The following SWT1 variants were observed in gnomAD, a reference collection of about 807,000 sequenced individuals.
SWT1 encodes the protein SWT1 RNA endoribonuclease homolog.
In SWT1, 33 loss-of-function variants were observed where a neutral mutation model predicts 107.3. The ratio of observed to expected loss-of-function variants is 0.31; its 90% CI spans 0.23 to 0.41. The LOEUF (loss-of-function observed/expected upper bound fraction) is 0.41, where lower values mean the gene tolerates loss of function less well. Ranked by LOEUF, SWT1 falls within the 10% of genes least tolerant of loss-of-function variation. SWT1 has a pLI of 1.00. For synonymous variants in SWT1, 345 were observed against 348.3 expected, an observed-to-expected ratio of 0.99 and a Z score of 0.11; for missense variants, 898 against 1,028.9, an observed-to-expected ratio of 0.87 and a Z score of 1.74.
chr1:185,166,908 A>G (rs1654622345), intron 3 of SWT1, among the ~76,000 whole-genome samples: 1 of 151,976 alleles, frequency 6.6e-6, no homozygotes, highest in East Asian at 1.9e-4. Context: ...ATGGTTTTAT[A>G]TATATATATT....
At chr1:185,237,391 G>T (rs1296628018) in intron 16 of SWT1, among the ~76,000 whole-genome samples, 2 of 152,162 alleles carry the variant, frequency 1.3e-5, no homozygotes, top group African/African-American at 4.8e-5. Context: ...ATGAGTTCAT[G>T]TCCTTTGCAG....
intron 18 of SWT1, among the ~76,000 whole-genome samples, chr1:185,285,731 C>T (rs1404784191): frequency 1.3e-5 from 2 of 152,110 alleles, no homozygotes; most frequent in Non-Finnish European, 2.9e-5. Context: ...GGTAAGGGGT[C>T]CAGCTTCATT....
At chr1:185,219,779 G>A (rs779733365) in intron 14 of SWT1, among the ~76,000 whole-genome samples, 10 of 151,736 alleles carry the variant, frequency 6.6e-5, no homozygotes, top group Non-Finnish European at 1.2e-4. Flanking sequence ...CTTAAATACC[G>A]TACTTTTCAC....
intron 4 of SWT1, among the ~76,000 whole-genome samples, chr1:185,173,780 G>A (rs1558011353): frequency 6.6e-6 from 1 of 151,978 alleles, no homozygotes; most frequent in Non-Finnish European, 1.5e-5. Flanking sequence ...ACCTTGGGAG[G>A]CCGAGGCAAG....
chr1:185,223,403 C>T (rs987957111), intron 15 of SWT1, among the ~76,000 whole-genome samples: 2 of 152,044 alleles, frequency 1.3e-5, no homozygotes, highest in Non-Finnish European at 2.9e-5. Context: ...TCTCAAACTC[C>T]TGCAAACTCC....
intron 7 of SWT1, 48 bp downstream of exon 7, chr1:185,182,105 A>C (rs746952872): frequency 1.3e-6 from 2 of 1,551,386 alleles, no homozygotes; most frequent in Admixed American, 3.7e-5. Context: ...TTTCCTAAAA[A>C]TTAATGTGCC....
chr1:185,256,262 G>A (rs1283651602), intron 16 of SWT1, among the ~76,000 whole-genome samples: 2 of 151,392 alleles, frequency 1.3e-5, no homozygotes, highest in Non-Finnish European at 2.9e-5. Flanking sequence ...ATGTGTCTTG[G>A]AGTTGCTCTT....
chr1:185,195,200 C>A (rs1041480575), intron 10 of SWT1, among the ~76,000 whole-genome samples: 2 of 152,120 alleles, frequency 1.3e-5, no homozygotes. Flanking sequence ...TCCCTGTGTC[C>A]ATGTGTTCTC....
intron 16 of SWT1, among the ~76,000 whole-genome samples, chr1:185,261,673 CTTTT>C (rs75087078): frequency 7.6e-5 from 11 of 144,836 alleles, no homozygotes; most frequent in Non-Finnish European, 9.2e-5. Context: ...TGATTTTCTG[CTTTT>C]TTTTTTTTTT....
At chr1:185,240,056 A>C (rs2102604208) in intron 16 of SWT1, among the ~76,000 whole-genome samples, 1 of 152,206 alleles carries the variant, frequency 6.6e-6, no homozygotes. Flanking sequence ...CTTGAAAGCT[A>C]ATATTCAAAG....
At chr1:185,215,684 A>G (rs566238841) in intron 14 of SWT1, among the ~76,000 whole-genome samples, 133 of 152,040 alleles carry the variant, frequency 8.7e-4, no homozygotes, top group Non-Finnish European at 1.4e-3. Context: ...GTCTACAGGC[A>G]TGGCACCACC....
chr1:185,266,382 C>A (rs755835268), intron 16 of SWT1, among the ~76,000 whole-genome samples: 19 of 152,196 alleles, frequency 1.2e-4, no homozygotes, highest in Non-Finnish European at 2.2e-4. Context: ...AAATATTAAA[C>A]TGGAATATTT....
At chr1:185,190,798 G>A (rs530124171) in intron 10 of SWT1, among the ~76,000 whole-genome samples, 156 bp downstream of exon 10, 3 of 152,198 alleles carry the variant, frequency 2.0e-5, no homozygotes, top group Admixed American at 6.5e-5. Flanking sequence ...GTCTTATAAT[G>A]TGTGAGCACT....
At chr1:185,205,912 T>C (rs1198464052) in intron 12 of SWT1, among the ~76,000 whole-genome samples, 1 of 152,162 alleles carries the variant, frequency 6.6e-6, no homozygotes, top group Non-Finnish European at 1.5e-5. Flanking sequence ...AAATGATCAA[T>C]GTTTTTAATA....
At chr1:185,187,426 A>T (rs1358644952) in intron 9 of SWT1, among the ~76,000 whole-genome samples, 1 of 152,026 alleles carries the variant, frequency 6.6e-6, no homozygotes, top group Non-Finnish European at 1.5e-5. Flanking sequence ...CACTCCCCCA[A>T]TCAGACATTT....
intron 16 of SWT1, among the ~76,000 whole-genome samples, chr1:185,237,151 C>T (rs556348126): frequency 1.3e-5 from 2 of 152,262 alleles, no homozygotes; most frequent in South Asian, 2.1e-4. Flanking sequence ...GATGATTCCT[C>T]AAGGATCTAG....
Position 185,175,097 on chromosome 1 carries a change from G to C in SWT1, c.950G>C (p.Arg317Thr). ...DHQESNDSHS[R>T]ENLTQSFEAP... ...CAAGAAAGTAATGATTCACATTCTA[G>C]GGAAAACCTAACCCAGGTAAGGTAG... is the stretch of plus-strand genomic sequence containing the variant. Residue 317 changes from arginine (R) to threonine (T), a missense_variant, in exon 5 of 19, where the codon AGG (arginine) becomes ACG (threonine). Physicochemically the swap from Arg to Thr is moderately conservative, Grantham distance 71. Around this residue, in one of 6 missense-constraint regions of SWT1, gnomAD observed 382 missense variants for 362.4 expected, o/e 1.05. Coordinates refer to ENST00000367500, the MANE Select transcript of SWT1 (RefSeq NM_017673.7). 3.2e-6 allele frequency: 5 copies of C among 1,553,394 alleles called. No individual in the cohort carries two copies. Among genetic ancestry groups the C allele is most frequent in the Non-Finnish European group, 4.3e-6 (5 of 1,152,838 alleles).
chr1:185,256,208 T>G (rs1454382904), intron 16 of SWT1, among the ~76,000 whole-genome samples: 2 of 151,932 alleles, frequency 1.3e-5, no homozygotes, highest in Non-Finnish European at 2.9e-5. Flanking sequence ...CTGGCTGCCC[T>G]TAACATTTTT....
At chr1:185,227,315 A>G in intron 15 of SWT1, 1 of 740,302 alleles carries the variant, frequency 1.4e-6, no homozygotes, top group Non-Finnish European at 2.5e-6. Flanking sequence ...CATTGTATTC[A>G]TTGCCAGTCT....
Sources: gnomAD v4.1 joint callset for allele counts (sites outside exome capture counted in the v4.1 genomes callset) on GRCh38, gnomAD v4.1.1 for gene constraint, gnomAD v4.1.1 regional missense constraint, MANE v1.5 for transcripts, NCBI Gene and HGNC (gene_info 2026-07-23, HGNC 2026-07-21) for gene names.